The following DLG1 variants were observed in gnomAD, a reference collection of about 807,000 sequenced individuals.
The protein encoded by DLG1 is discs large MAGUK scaffold protein 1, also known as disks large homolog 1.
In DLG1, 42 loss-of-function variants were observed where a neutral mutation model predicts 123.4. The observed-to-expected ratio is 0.34, with a 90% CI of 0.27 to 0.44. The LOEUF (loss-of-function observed/expected upper bound fraction) is 0.44. Among genes scored for constraint, DLG1 ranks in the 20% least tolerant of loss-of-function variants. The pLI, the probability that DLG1 is intolerant of heterozygous loss-of-function variation, is 1.00. For synonymous variants in DLG1, 317 were observed against 356.2 expected, an observed-to-expected ratio of 0.89 and a Z score of 1.24; for missense variants, 942 against 1,082.6, an observed-to-expected ratio of 0.87 and a Z score of 1.82.
chr3:197,149,584 T>G (rs557856600), intron 6 of DLG1, among the ~76,000 whole-genome samples, 159 bp downstream of exon 6: 2 of 152,308 alleles, frequency 1.3e-5, no homozygotes, highest in Admixed American at 1.3e-4. Context: ...AGGACCATAC[T>G]ACTTAATTTA....
intron 4 of DLG1, among the ~76,000 whole-genome samples, chr3:197,247,746 T>A (rs1752457702): frequency 6.6e-6 from 1 of 152,204 alleles, no homozygotes; most frequent in Admixed American, 6.5e-5. Flanking sequence ...TAAGGGACTA[T>A]TAAGGGGAAT....
Position 197,210,966 on chromosome 3 carries a change from A to T in DLG1, c.319-16377T>A, listed in dbSNP as rs963732521. Reference sequence around the variant, plus strand: ...TGAAAAGGATGCTGTAAAGGATAATACATCATGACCAAATATGATTTATTT... The same window carrying T: ...TGAAAAGGATGCTGTAAAGGATAATTCATCATGACCAAATATGATTTATTT... On this transcript the variant is annotated intron_variant, in intron 4 of 24. Coordinates refer to ENST00000667157, the MANE Select transcript of DLG1 (RefSeq NM_001366207.1). Among the ~76,000 whole-genome samples the T allele has an allele frequency of 5.5e-5, 8 of 146,376 alleles. 2 individuals carry two copies. Among genetic ancestry groups the T allele is most frequent in the Non-Finnish European group, 9.2e-5 (6 of 65,270 alleles).
At chr3:197,073,953 A>G (rs1377444133) in intron 18 of DLG1, among the ~76,000 whole-genome samples, 1 of 151,934 alleles carries the variant, frequency 6.6e-6, no homozygotes, top group Admixed American at 6.6e-5. Context: ...TTATTTTCTT[A>G]TATTAAAGTC....
intron 3 of DLG1, among the ~76,000 whole-genome samples, chr3:197,292,904 C>G (rs1204600125): frequency 6.6e-6 from 1 of 152,190 alleles, no homozygotes; most frequent in Non-Finnish European, 1.5e-5. Context: ...CAGATGAGTT[C>G]TCTGATCCCG....
chr3:197,234,770 A>G (rs921564308), intron 4 of DLG1, among the ~76,000 whole-genome samples: 1 of 152,172 alleles, frequency 6.6e-6, no homozygotes, highest in African/African-American at 2.4e-5. Context: ...GAGGTAAGAT[A>G]TGGAGTCTGA....
At chr3:197,129,820 G>C (rs889284117) in intron 11 of DLG1, among the ~76,000 whole-genome samples, 1 of 152,142 alleles carries the variant, frequency 6.6e-6, no homozygotes, top group Non-Finnish European at 1.5e-5. Flanking sequence ...CTAGTCATCA[G>C]AGGAGCAGTC....
At chr3:197,120,273 GAAA>G (rs3050713) in intron 11 of DLG1, among the ~76,000 whole-genome samples, 1,283 of 127,580 alleles carry the variant, frequency 0.01, 11 homozygotes, top group South Asian at 0.024. Flanking sequence ...TCTCGAGAAA[GAAA>G]AAAAAAAAAA....
intron 4 of DLG1, among the ~76,000 whole-genome samples, chr3:197,219,109 G>A (rs764665541): frequency 1.3e-5 from 2 of 151,488 alleles, no homozygotes; most frequent in South Asian, 2.1e-4. Context: ...CAGCCTGGGC[G>A]ACAAGAGTGA....
chr3:197,238,366 T>C (rs955543406), intron 4 of DLG1, among the ~76,000 whole-genome samples: 4 of 152,002 alleles, frequency 2.6e-5, no homozygotes, highest in Non-Finnish European at 5.9e-5. Context: ...AGGCGTCATA[T>C]AAAAAATTAA....
At chr3:197,101,636 G>A (rs1162937490) in intron 14 of DLG1, among the ~76,000 whole-genome samples, 1 of 152,062 alleles carries the variant, frequency 6.6e-6, no homozygotes, top group Non-Finnish European at 1.5e-5. Flanking sequence ...TGATCTGCCC[G>A]CCTAGGCCTC....
At chr3:197,251,092 C>G (rs1578736007) in intron 4 of DLG1, among the ~76,000 whole-genome samples, 1 of 150,718 alleles carries the variant, frequency 6.6e-6, no homozygotes, top group East Asian at 2.0e-4. Context: ...ACAAAGTAAT[C>G]TACAGATTCA....
intron 4 of DLG1, among the ~76,000 whole-genome samples, chr3:197,236,679 G>C (rs1470848898): frequency 6.6e-6 from 1 of 152,150 alleles, no homozygotes; most frequent in Non-Finnish European, 1.5e-5. Flanking sequence ...GAAAGCTACA[G>C]CTGCAGAACC....
intron 5 of DLG1, among the ~76,000 whole-genome samples, chr3:197,166,684 G>A (rs1801598499): frequency 6.6e-6 from 1 of 152,240 alleles, no homozygotes; most frequent in African/African-American, 2.4e-5. Flanking sequence ...GAGGTCAGGA[G>A]TTTGAGACCA....
At chr3:197,203,939 C>A (rs928343356) in intron 4 of DLG1, among the ~76,000 whole-genome samples, 1 of 152,124 alleles carries the variant, frequency 6.6e-6, no homozygotes, top group East Asian at 1.9e-4. Flanking sequence ...TGAAATCTAT[C>A]CTATGCAAAG....
At chr3:197,198,755 T>G (rs1724021330) in intron 4 of DLG1, among the ~76,000 whole-genome samples, 1 of 151,870 alleles carries the variant, frequency 6.6e-6, no homozygotes, top group Non-Finnish European at 1.5e-5. Context: ...ATGAGGACCA[T>G]AATAAAAAAA....
At chr3:197,158,583 G>A (rs1277487794) in intron 5 of DLG1, among the ~76,000 whole-genome samples, 1 of 142,740 alleles carries the variant, frequency 7.0e-6, no homozygotes, top group Non-Finnish European at 1.5e-5. Flanking sequence ...GTGGTGAGCC[G>A]AGATTGTGCC....
intron 14 of DLG1, among the ~76,000 whole-genome samples, chr3:197,103,454 G>A (rs1476899643): frequency 2.6e-5 from 4 of 151,994 alleles, no homozygotes; most frequent in Admixed American, 6.6e-5. Flanking sequence ...GTGTACCTAC[G>A]GGGTGGAATA....
At chr3:197,165,637 T>A (rs568250465) in intron 5 of DLG1, among the ~76,000 whole-genome samples, 2 of 152,338 alleles carry the variant, frequency 1.3e-5, no homozygotes, top group African/African-American at 4.8e-5. Context: ...TTCCACATTA[T>A]GAGCTCAAAA....
chr3:197,094,442 TC>T (rs1759489674), intron 14 of DLG1, among the ~76,000 whole-genome samples: 1 of 152,214 alleles, frequency 6.6e-6, no homozygotes, highest in African/African-American at 2.4e-5. Context: ...TTTGGTCTCC[TC>T]CTACAAGCAA....
Sources: allele counts gnomAD v4.1 joint callset (sites outside exome capture counted in the v4.1 genomes callset), GRCh38; gene constraint gnomAD v4.1.1; transcripts MANE v1.5; gene names NCBI Gene and HGNC (gene_info 2026-07-23, HGNC 2026-07-21).